The following POU2AF1 variants were observed in gnomAD, a reference collection of about 807,000 sequenced individuals.
POU2AF1 encodes POU class 2 homeobox associating factor 1, also known as POU domain class 2-associating factor 1.
POU2AF1 carries 12 observed loss-of-function variants against 26.3 expected under a neutral mutation model. That is an observed-to-expected ratio of 0.46 (90% CI 0.29 to 0.74). The LOEUF (loss-of-function observed/expected upper bound fraction) is 0.74. Ranked by LOEUF, POU2AF1 falls within the 30% of genes least tolerant of loss-of-function variation. The probability of loss-of-function intolerance (pLI) is 0.09; values close to 1 mark genes in which losing one functional copy is unlikely to be tolerated. For missense variants in POU2AF1, 297 were observed against 334.5 expected (o/e 0.89, Z 0.87); for synonymous variants, 175 against 148.0 (o/e 1.18, Z -1.32).
intron 1 of POU2AF1, among the ~76,000 whole-genome samples, chr11:111,369,168 T>C (rs916571721): frequency 3.9e-5 from 6 of 152,198 alleles, no homozygotes; most frequent in African/African-American, 1.4e-4. Flanking sequence ...GAGGGGCTGG[T>C]AAAAGACTTC....
intron 1 of POU2AF1, among the ~76,000 whole-genome samples, chr11:111,369,006 T>A (rs1356405968): frequency 1.3e-5 from 2 of 152,214 alleles, no homozygotes; most frequent in Non-Finnish European, 2.9e-5. Context: ...ACTGAATGTC[T>A]CTGTCTTCAG....
At chr11:111,355,329 G>A (rs1433055553) in intron 4 of POU2AF1, among the ~76,000 whole-genome samples, 3 of 152,194 alleles carry the variant, frequency 2.0e-5, no homozygotes, top group Non-Finnish European at 2.9e-5. Flanking sequence ...AATGCTCTGC[G>A]AGTCATACCT....
chr11:111,365,314 G>T (rs757229272), intron 1 of POU2AF1, among the ~76,000 whole-genome samples: 1 of 152,158 alleles, frequency 6.6e-6, no homozygotes, highest in Non-Finnish European at 1.5e-5. Flanking sequence ...GAAAGGGAGT[G>T]GTTGTTAGTA....
intron 1 of POU2AF1, among the ~76,000 whole-genome samples, chr11:111,373,246 C>T (rs1861246337): frequency 6.6e-6 from 1 of 152,254 alleles, no homozygotes; most frequent in Admixed American, 6.5e-5. Flanking sequence ...TTGTTTATCA[C>T]TGTTAAAAGG....
chr11:111,370,633 T>C (rs1861191756), intron 1 of POU2AF1, among the ~76,000 whole-genome samples: 1 of 152,170 alleles, frequency 6.6e-6, no homozygotes, highest in Non-Finnish European at 1.5e-5. Context: ...ACGATTTTTA[T>C]TCTTATACTG....
intron 1 of POU2AF1, among the ~76,000 whole-genome samples, chr11:111,364,467 G>GC (rs1446052062): frequency 6.6e-6 from 1 of 152,342 alleles, no homozygotes; most frequent in Non-Finnish European, 1.5e-5. Flanking sequence ...CATCTAAGGA[G>GC]CTAAGACCCT....
chr11:111,377,504 A>G (rs1233948851), intron 1 of POU2AF1, among the ~76,000 whole-genome samples: 2 of 152,206 alleles, frequency 1.3e-5, no homozygotes, highest in East Asian at 3.8e-4. Context: ...AGCAACTCAT[A>G]TCTCAGAGGC....
At chr11:111,362,154 C>T (rs564026408) in intron 1 of POU2AF1, among the ~76,000 whole-genome samples, 1 of 152,154 alleles carries the variant, frequency 6.6e-6, no homozygotes, top group Non-Finnish European at 1.5e-5. Context: ...CCCATGGCCA[C>T]GTCAGCATTT....
At chr11:111,371,438 C>A (rs192235810) in intron 1 of POU2AF1, among the ~76,000 whole-genome samples, 2 of 152,114 alleles carry the variant, frequency 1.3e-5, no homozygotes, top group African/African-American at 4.8e-5. Context: ...AAAACAAACA[C>A]GAGTTTGCCA....
chr11:111,358,905 C>T lies in POU2AF1; in HGVS notation c.30G>A (p.Glu10=), dbSNP rs926476527. The change falls in exon 2 of 5, where the codon GAG becomes GAA. Residue 10 remains glutamate, a synonymous_variant. Coordinates refer to ENST00000393067, the MANE Select transcript of POU2AF1 (RefSeq NM_006235.3). ...ATGGCCGGGCCGGGGCTGGGGCTTG[C>T]TCCGGAGCTGTGGCTGTGAAAAGCA... MLWQKPTAP[E]QAPAPARPYQ... is the part of the protein sequence containing the mutation. 1.2e-6 allele frequency: 2 copies of T among 1,604,726 alleles called. No homozygotes were observed. Among genetic ancestry groups the T allele is most frequent in the African/African-American group, 1.3e-5 (1 of 75,056 alleles).
At chr11:111,376,107 T>A (rs6589224) in intron 1 of POU2AF1, among the ~76,000 whole-genome samples, 104,566 of 152,048 alleles carry the variant, frequency 0.69, 36,658 homozygotes, top group Admixed American at 0.79. Flanking sequence ...GGCCCACAGG[T>A]GGTTTCCAGG....
At chr11:111,375,390 C>CT (rs869115956) in intron 1 of POU2AF1, among the ~76,000 whole-genome samples, 2,097 of 79,300 alleles carry the variant, frequency 0.026, 346 homozygotes, top group African/African-American at 0.096. Context: ...TACTGAGTAT[C>CT]TTTTTTTTTT....
intron 1 of POU2AF1, among the ~76,000 whole-genome samples, chr11:111,361,918 C>T (rs1016021314): frequency 5.9e-5 from 9 of 152,128 alleles, no homozygotes; most frequent in African/African-American, 9.7e-5. Context: ...CCAGGTGTCC[C>T]CCTAGGTCTG....
intron 1 of POU2AF1, among the ~76,000 whole-genome samples, chr11:111,366,158 T>C (rs1347988197): frequency 1.3e-5 from 2 of 152,248 alleles, no homozygotes; most frequent in African/African-American, 2.4e-5. Context: ...ATTTACACTA[T>C]ATTTTAGTTG....
rs892369778 is a variant in POU2AF1 at position 111,359,026 on chromosome 11, C to T, written c.17-108G>A. 7.5e-6 allele frequency: 11 copies of T among 1,469,976 alleles called. No homozygotes were observed. The African/African-American group carries it at 1.4e-4, about 19-fold the overall frequency. The allele number at this position is 1,469,976 out of a possible 1,614,324, so 91.1% of individuals were successfully genotyped here. On this transcript the variant is annotated intron_variant, in intron 1 of 4. Transcript: ENST00000393067. ...CCTGCTCCCCTAAGTCGTGCTTGAA[C>T]ACGGAGAACCACGTGACACTTCCTA...
Position 111,369,526 on chromosome 11 carries a change from C to T in POU2AF1, c.16+9636G>A, listed in dbSNP as rs558041353. Among the ~76,000 whole-genome samples the T allele has an allele frequency of 4.6e-5, 7 of 152,256 alleles. No individual in the cohort carries two copies. The East Asian group carries it at 9.7e-4, about 21-fold the overall frequency. ...GGGCTAGAAACCTAGGAGCACATAT[C>T]GCATATGGAATAGAAATGTGGCAAT... On this transcript the variant is annotated intron_variant, in intron 1 of 4. Transcript: ENST00000393067.
At chr11:111,354,759 C>T (rs917434627) in intron 4 of POU2AF1, among the ~76,000 whole-genome samples, 184 bp from the exon 5 acceptor site, 2 of 152,262 alleles carry the variant, frequency 1.3e-5, no homozygotes, top group Admixed American at 6.5e-5. Flanking sequence ...TGACTTCAAC[C>T]GCAGCCCCAA....
intron 1 of POU2AF1, among the ~76,000 whole-genome samples, chr11:111,377,108 G>A (rs1242195994): frequency 2.6e-5 from 4 of 151,894 alleles, no homozygotes; most frequent in African/African-American, 7.3e-5. Flanking sequence ...TGGGGGACAG[G>A]TGCAGTGACT....
At chr11:111,360,461 C>T (rs1860984690) in intron 1 of POU2AF1, among the ~76,000 whole-genome samples, 1 of 152,196 alleles carries the variant, frequency 6.6e-6, no homozygotes, top group African/African-American at 2.4e-5. Context: ...GCCCAGAAGG[C>T]AGAGAGAAGC....
Sources: gnomAD v4.1 joint callset for allele counts (sites outside exome capture counted in the v4.1 genomes callset) on GRCh38, gnomAD v4.1.1 for gene constraint, MANE v1.5 for transcripts, NCBI Gene and HGNC (gene_info 2026-07-23, HGNC 2026-07-21) for gene names.